ME3: variants seen among roughly 807,000 people sequenced by gnomAD.
The protein encoded by ME3 is NADP-dependent malic enzyme, mitochondrial.
ME3 carries 48 observed loss-of-function variants against 68.9 expected under a neutral mutation model. The observed-to-expected ratio is 0.70, with a 90% CI of 0.55 to 0.89. ME3 has a LOEUF of 0.89. Among genes scored for constraint, ME3 ranks in the 40% least tolerant of loss-of-function variants. ME3 has a pLI of 0.00. For synonymous variants in ME3, 320 were observed against 318.8 expected (o/e 1.00, Z -0.04); for missense variants, 675 against 797.4 (o/e 0.85, Z 1.85).
intron 4 of ME3, among the ~76,000 whole-genome samples, chr11:86,513,730 C>G (rs911757832): frequency 6.6e-6 from 1 of 152,126 alleles, no homozygotes; most frequent in Non-Finnish European, 1.5e-5. Flanking sequence ...ATTGCAGGTG[C>G]CAGTCAGAAC....
At chr11:86,503,764 C>G (rs944734699) in intron 5 of ME3, among the ~76,000 whole-genome samples, 1 of 152,206 alleles carries the variant, frequency 6.6e-6, no homozygotes, top group Non-Finnish European at 1.5e-5. Flanking sequence ...AGAGGATGTG[C>G]CCAGTAGCAG....
At chr11:86,469,245 A>T (rs1488347193) in intron 7 of ME3, among the ~76,000 whole-genome samples, 2 of 152,064 alleles carry the variant, frequency 1.3e-5, no homozygotes, top group Non-Finnish European at 2.9e-5. Context: ...AGCACAACCT[A>T]CTTAATATTT....
At chr11:86,641,548 T>C (rs187584973) in intron 2 of ME3, among the ~76,000 whole-genome samples, 175 of 152,342 alleles carry the variant, frequency 1.1e-3, no homozygotes, top group African/African-American at 4.2e-3. Context: ...AAAAATTTGT[T>C]CTTTTGAAGA....
At chr11:86,609,554 C>G (rs4245418) in intron 2 of ME3, among the ~76,000 whole-genome samples, 60,219 of 151,548 alleles carry the variant, frequency 0.4, 12,523 homozygotes, top group East Asian at 0.7. Context: ...TGCTATGAAT[C>G]ATAAGTGTGC....
intron 4 of ME3, among the ~76,000 whole-genome samples, chr11:86,525,713 T>C (rs1954684557): frequency 6.6e-6 from 1 of 151,888 alleles, no homozygotes; most frequent in Non-Finnish European, 1.5e-5. Flanking sequence ...ATACAAAAAT[T>C]AGCCGTGTGT....
intron 4 of ME3, among the ~76,000 whole-genome samples, chr11:86,513,915 C>G (rs1241359042): frequency 1.3e-5 from 2 of 152,114 alleles, no homozygotes; most frequent in Non-Finnish European, 2.9e-5. Context: ...GGGGTTGGTT[C>G]TTATCTGTTT....
At chr11:86,599,553 C>A (rs1310484116) in intron 2 of ME3, among the ~76,000 whole-genome samples, 1 of 152,150 alleles carries the variant, frequency 6.6e-6, no homozygotes, top group African/African-American at 2.4e-5. Context: ...GACAACTTCC[C>A]CAATCTAGCA....
intron 2 of ME3, among the ~76,000 whole-genome samples, chr11:86,653,805 G>C (rs1945650522): frequency 6.6e-6 from 1 of 152,118 alleles, no homozygotes; most frequent in Non-Finnish European, 1.5e-5. Context: ...ATGAATCCAG[G>C]AGCTGTTTTT....
intron 2 of ME3, among the ~76,000 whole-genome samples, chr11:86,670,673 T>C (rs1168508641): frequency 1.3e-5 from 2 of 152,176 alleles, no homozygotes; most frequent in African/African-American, 4.8e-5. Flanking sequence ...ATACTTCACA[T>C]TATATAGTTG....
chr11:86,453,181 G>A (rs190988736), intron 8 of ME3, among the ~76,000 whole-genome samples: 161 of 152,194 alleles, frequency 1.1e-3, no homozygotes, highest in Non-Finnish European at 1.8e-3. Flanking sequence ...TGTATTTTTA[G>A]TAGAGACAAC....
chr11:86,458,402 C>G (rs2138682027), intron 8 of ME3, among the ~76,000 whole-genome samples: 2 of 152,336 alleles, frequency 1.3e-5, no homozygotes, highest in Admixed American at 1.3e-4. Context: ...CTAGAGGGCA[C>G]TTCTCTGGCC....
chr11:86,519,567 C>A (rs1954118176), intron 4 of ME3, among the ~76,000 whole-genome samples: 1 of 152,198 alleles, frequency 6.6e-6, no homozygotes, highest in Admixed American at 6.5e-5. Flanking sequence ...ATTAGGCAAA[C>A]CCCTGCAGCT....
intron 2 of ME3, among the ~76,000 whole-genome samples, chr11:86,611,277 A>T (rs754972797): frequency 6.6e-6 from 1 of 152,100 alleles, no homozygotes; most frequent in African/African-American, 2.4e-5. Flanking sequence ...AAAGGGTATA[A>T]ATTTTTAATT....
At chr11:86,501,874 C>T (rs1298789383) in intron 5 of ME3, among the ~76,000 whole-genome samples, 1 of 152,226 alleles carries the variant, frequency 6.6e-6, no homozygotes, top group Non-Finnish European at 1.5e-5. Flanking sequence ...TCCATCTTCA[C>T]TTGAGCCACT....
chr11:86,653,681 A>T (rs1204693222), intron 2 of ME3, among the ~76,000 whole-genome samples: 1 of 152,232 alleles, frequency 6.6e-6, no homozygotes, highest in African/African-American at 2.4e-5. Context: ...TCACAATTAA[A>T]AGAACTAGAG....
chr11:86,598,131 G>T (rs576768808), intron 2 of ME3, among the ~76,000 whole-genome samples: 1 of 152,178 alleles, frequency 6.6e-6, no homozygotes, highest in African/African-American at 2.4e-5. Context: ...TGCGCCAGCC[G>T]AAGCAGGGCA....
chr11:86,473,197 C>T (rs1950876700), intron 7 of ME3, among the ~76,000 whole-genome samples: 1 of 75,682 alleles, frequency 1.3e-5, no homozygotes, highest in Non-Finnish European at 3.3e-5. Context: ...GTTGGGCCCA[C>T]ACAGCAGCTG....
intron 6 of ME3, among the ~76,000 whole-genome samples, chr11:86,491,711 T>G (rs920145574): frequency 1.3e-5 from 2 of 152,220 alleles, no homozygotes; most frequent in Admixed American, 6.5e-5. Flanking sequence ...TCTGGACTTC[T>G]TCATAGGTGT....
chr11:86,633,726 G>A (rs1938926), intron 2 of ME3, among the ~76,000 whole-genome samples: 29,463 of 152,114 alleles, frequency 0.19, 3,322 homozygotes, highest in East Asian at 0.4. Context: ...AGAGGGGCCC[G>A]GAAGAGGAGA....
Sources: gnomAD v4.1 joint callset for allele counts (sites outside exome capture counted in the v4.1 genomes callset) on GRCh38, gnomAD v4.1.1 for gene constraint, MANE v1.5 for transcripts, NCBI Gene and HGNC (gene_info 2026-07-23, HGNC 2026-07-21) for gene names.